The following PIK3R1 variants were observed in gnomAD, a reference collection of about 807,000 sequenced individuals.
PIK3R1 encodes the protein phosphatidylinositol 3-kinase regulatory subunit alpha.
PIK3R1 carries 29 observed loss-of-function variants against 98.0 expected under a neutral mutation model. That is an observed-to-expected ratio of 0.30 (90% CI 0.22 to 0.40). The LOEUF is 0.40. Ranked by LOEUF, PIK3R1 falls within the 10% of genes least tolerant of loss-of-function variation. The pLI, the probability that PIK3R1 is intolerant of heterozygous loss-of-function variation, is 1.00. For missense variants in PIK3R1, 596 were observed against 872.7 expected, an observed-to-expected ratio of 0.68 and a Z score of 3.99; for synonymous variants, 282 against 311.8, an observed-to-expected ratio of 0.90 and a Z score of 1.01.
At chr5:68,267,408 A>G (rs528387105) in intron 2 of PIK3R1, among the ~76,000 whole-genome samples, 2 of 152,266 alleles carry the variant, frequency 1.3e-5, no homozygotes, top group Admixed American at 6.5e-5. Flanking sequence ...ATTCCCTTTC[A>G]TTTGTTTTTA....
intron 2 of PIK3R1, among the ~76,000 whole-genome samples, chr5:68,246,637 T>G (rs1287910285): frequency 2.6e-5 from 4 of 152,220 alleles, no homozygotes; most frequent in African/African-American, 9.6e-5. Flanking sequence ...TATTTTTTGT[T>G]TTTTGAGACG....
rs1021240076 is a variant in PIK3R1, at chr5:68,288,847, G to A, written c.917-3412G>A. ...AGTACGTGTGTGTGCGTGCGCCCCTGTAAGCGCTGCCTGGGGAGGACAGAT... is the reference window on the plus strand; with the variant it reads ...AGTACGTGTGTGTGCGTGCGCCCCTATAAGCGCTGCCTGGGGAGGACAGAT... On this transcript the variant is annotated intron_variant, in intron 7 of 15. Coordinates refer to ENST00000521381, the MANE Select transcript of PIK3R1 (RefSeq NM_181523.3). The A allele has an allele frequency of 2.6e-5, 33 of 1,249,008 alleles. No homozygotes were observed. The African/African-American group carries it at 4.7e-4, about 18-fold the overall frequency. 77.4% of individuals were successfully genotyped at this position (1,249,008 alleles called of 1,614,324 possible). A position where few individuals can be genotyped will look rare whatever the true frequency, so the allele number is the denominator to read the frequency against.
chr5:68,295,745 A>C, intron 14 of PIK3R1: 1 of 513,594 alleles, frequency 1.9e-6, no homozygotes. Flanking sequence ...AACATCTGAA[A>C]AATCCCAAAA....
At chr5:68,260,545 T>G (rs1212547747) in intron 2 of PIK3R1, among the ~76,000 whole-genome samples, 1 of 152,158 alleles carries the variant, frequency 6.6e-6, no homozygotes, top group Admixed American at 6.5e-5. Flanking sequence ...CAAGGGCCCT[T>G]GGATGCAGCC....
chr5:68,295,757 AT>A, intron 14 of PIK3R1: 2 of 509,698 alleles, frequency 3.9e-6, no homozygotes, highest in Non-Finnish European at 3.5e-6. Flanking sequence ...ATCCCAAAAT[AT>A]TTTTGGAACA....
chr5:68,275,451 G>A (rs1746531675), intron 4 of PIK3R1, among the ~76,000 whole-genome samples: 2 of 151,856 alleles, frequency 1.3e-5, no homozygotes, highest in African/African-American at 4.8e-5. Context: ...CCGATGAAGT[G>A]GAAGTTATTT....
rs761184925 is a variant in PIK3R1 at position 68,246,351 on chromosome 5, C to T, written c.334+19342C>T. 1.9e-3 allele frequency among the ~76,000 whole-genome samples: 278 copies of T among 147,114 alleles called. 1 individual carries two copies. The highest frequency in any genetic ancestry group is 7.0e-3 in the Middle Eastern group (2 of 286). On this transcript the variant is annotated intron_variant, in intron 2 of 15. Transcript: ENST00000521381. Reference sequence around the variant, plus strand: ...TTTTTTGAGACAGAGTTTTACTCGTCGCCCAAGCCGCAGTGCAGTGGCGCG... The same window carrying T: ...TTTTTTGAGACAGAGTTTTACTCGTTGCCCAAGCCGCAGTGCAGTGGCGCG...
At chr5:68,277,427 C>T (rs1296506775) in intron 4 of PIK3R1, among the ~76,000 whole-genome samples, 3 of 152,168 alleles carry the variant, frequency 2.0e-5, no homozygotes, top group African/African-American at 7.2e-5. Flanking sequence ...AACACTTCGC[C>T]TCTTCACCTT....
At chr5:68,249,141 A>G (rs148341650) in intron 2 of PIK3R1, among the ~76,000 whole-genome samples, 25 of 152,274 alleles carry the variant, frequency 1.6e-4, no homozygotes, top group African/African-American at 6.0e-4. Flanking sequence ...AGACCTACCC[A>G]TTTACCAGTA....
At chr5:68,229,138 G>T (rs1247478584) in intron 2 of PIK3R1, among the ~76,000 whole-genome samples, 1 of 145,518 alleles carries the variant, frequency 6.9e-6, no homozygotes, top group Non-Finnish European at 1.5e-5. Context: ...TTGGGGGGGG[G>T]TCATGTGGGG....
chr5:68,291,404 AGTT>A (rs1747381645), intron 7 of PIK3R1: 2 of 152,134 alleles, frequency 1.3e-5, no homozygotes, highest in Non-Finnish European at 2.9e-5. Flanking sequence ...TTTTTGTATA[AGTT>A]AAAATAGTAA....
At position 68,295,306 on chromosome 5, in the gene PIK3R1, C is replaced by T. The variant is rs767013611; in HGVS notation, c.1727C>T (p.Thr576Met). 8 of 1,613,970 alleles carry T rather than the reference C, an allele frequency of 5.0e-6. No individual in the cohort carries two copies. Among genetic ancestry groups the T allele is most frequent in the East Asian group, 2.2e-5 (1 of 44,870 alleles). ...CCAGACCTTATCCAGCTGAGAAAGA[C>T]GAGAGACCAATACTTGATGTAAGTA... is the stretch of plus-strand genomic sequence containing the variant. ...IKPDLIQLRKTRDQYLMWLTQ... is the reference protein window; with the variant it reads ...IKPDLIQLRKMRDQYLMWLTQ... The change falls in exon 13 of 16, where the codon ACG (threonine) becomes ATG (methionine). Residue 576 changes from threonine (T) to methionine (M), a missense_variant. Around this residue, in one of 3 missense-constraint regions of PIK3R1, gnomAD observed 207 missense variants for 361.4 expected, o/e 0.57. Transcript: ENST00000521381.
At position 68,299,999 on chromosome 5, in the gene PIK3R1, G is replaced by A; in HGVS notation, c.*2398G>A. On this transcript the variant is annotated 3_prime_UTR_variant, in exon 16 of 16. Coordinates refer to ENST00000521381, the MANE Select transcript of PIK3R1 (RefSeq NM_181523.3). ...TAATTAGTTAACAGTTTTTAAACTA[G>A]GTTTGTGGGTATTTTTTTGGTAGCA... The A allele has an allele frequency of 4.3e-6, 1 of 233,106 alleles. No individual in the cohort carries two copies. The highest frequency in any genetic ancestry group is 6.0e-5 in the East Asian group (1 of 16,562). The allele number at this position is 233,106 out of a possible 1,614,324, so 14.4% of individuals were successfully genotyped here. A position where few individuals can be genotyped will look rare whatever the true frequency, so the allele number is the denominator to read the frequency against.
chr5:68,222,707 A>G (rs186594757), intron 1 of PIK3R1, among the ~76,000 whole-genome samples: 2 of 152,304 alleles, frequency 1.3e-5, no homozygotes, highest in Non-Finnish European at 2.9e-5. Context: ...AAAGAGCCAC[A>G]TACACTATCA....
In PIK3R1 at chr5:68,222,959, G is replaced by A. The variant is rs547870792; in HGVS notation, c.-386-3331G>A. Among the ~76,000 whole-genome samples, 12 of 152,134 alleles carry A rather than the reference G, an allele frequency of 7.9e-5. 1 individual carries two copies. The highest frequency in any genetic ancestry group is 2.7e-4 in the African/African-American group (11 of 41,468). On this transcript the variant is annotated intron_variant, in intron 1 of 15. Coordinates refer to ENST00000521381, the MANE Select transcript of PIK3R1 (RefSeq NM_181523.3). ...AGAGATATTTTCTGTCCTATGTTAA[G>A]TGAGACTACTGATAGTACCTGTTTT...
At chr5:68,220,478 G>A (rs10940157) in intron 1 of PIK3R1, among the ~76,000 whole-genome samples, 34,848 of 152,002 alleles carry the variant, frequency 0.23, 4,776 homozygotes, top group East Asian at 0.7. Flanking sequence ...CAGCCTCCGC[G>A]TAATGGCTAC....
rs1456213085 is a variant in PIK3R1 at position 68,280,992 on chromosome 5, G to A, written c.902G>A (p.Arg301Gln). The A allele has an allele frequency of 1.8e-5, 29 of 1,602,494 alleles. No homozygotes were observed. The highest frequency in any genetic ancestry group is 2.2e-5 in the East Asian group (1 of 44,800). ...TTAATCTCAACTGAATGGAATGAAC[G>A]ACAGCCTGCACCAGGTAATGCTTTT... ...EILISTEWNE[R>Q]QPAPALPPKP... The change falls in exon 7 of 16, where the codon CGA becomes CAA. Residue 301 changes from arginine (R) to glutamine (Q), a missense_variant. Coordinates refer to ENST00000521381, the MANE Select transcript of PIK3R1 (RefSeq NM_181523.3).
At chr5:68,287,541 T>C (rs1053825493) in intron 7 of PIK3R1, among the ~76,000 whole-genome samples, 1 of 152,340 alleles carries the variant, frequency 6.6e-6, no homozygotes, top group East Asian at 1.9e-4. Flanking sequence ...CTGGATAACC[T>C]TAAAGCTATC....
In PIK3R1 at chr5:68,297,990, G is replaced by T. The variant is rs948129333; in HGVS notation, c.*389G>T. ...GCTGAAAGTTGGGACTCTGGAGAGCGGAGGAGAGAGAGGCAGAAGAACCCT... is the reference window on the plus strand; with the variant it reads ...GCTGAAAGTTGGGACTCTGGAGAGCTGAGGAGAGAGAGGCAGAAGAACCCT... On this transcript the variant is annotated 3_prime_UTR_variant, in exon 16 of 16. Transcript: ENST00000521381. The T allele has an allele frequency of 1.3e-5, 3 of 237,612 alleles. No individual in the cohort carries two copies. The East Asian group carries it at 1.8e-4, about 14-fold the overall frequency. The allele number at this position is 237,612 out of a possible 1,614,324, so 14.7% of individuals were successfully genotyped here.
Sources: gnomAD v4.1 joint callset for allele counts (sites outside exome capture counted in the v4.1 genomes callset) on GRCh38, gnomAD v4.1.1 for gene constraint, gnomAD v4.1.1 regional missense constraint, MANE v1.5 for transcripts, NCBI Gene and HGNC (gene_info 2026-07-23, HGNC 2026-07-21) for gene names.